The following AP3D1 variants were observed in gnomAD, a reference collection of about 807,000 sequenced individuals.
The protein encoded by AP3D1 is adaptor related protein complex 3 subunit delta 1.
A neutral mutation model predicts 147.6 loss-of-function variants in AP3D1; 51 were observed. The observed-to-expected ratio is 0.35, with a 90% confidence interval of 0.28 to 0.44. The LOEUF (loss-of-function observed/expected upper bound fraction) is 0.44, where lower values mean the gene tolerates loss of function less well. AP3D1 is among the 20% of genes least tolerant of loss of function. AP3D1 has a pLI of 1.00. For synonymous variants in AP3D1, 760 were observed against 663.0 expected, an observed-to-expected ratio of 1.15 and a Z score of -2.25; for missense variants, 1,421 against 1,624.2, an observed-to-expected ratio of 0.87 and a Z score of 2.15.
chr19:2,118,712 C>T lies in AP3D1; in HGVS notation c.1602G>A (p.Leu534=), dbSNP rs1282180621. The T allele has an allele frequency of 6.2e-7, 1 of 1,613,498 alleles. No individual in the cohort carries two copies. The highest frequency in any genetic ancestry group is 2.2e-5 in the East Asian group (1 of 44,900). ...QNVVKLYASI[L]QQKEQAGEAE... Reference sequence around the variant, plus strand: ...CCTCCCCGGCCTGCTCCTTCTGCTGCAGGATGGAGGCGTAGAGCTTGACCA... The same window carrying T: ...CCTCCCCGGCCTGCTCCTTCTGCTGTAGGATGGAGGCGTAGAGCTTGACCA... Residue 534 remains leucine (L), a synonymous_variant, in exon 15 of 32, where the codon CTG becomes CTA. Transcript: ENST00000643116.
intron 6 of AP3D1, 36 bp from the exon 7 acceptor site, chr19:2,129,493 C>T (rs1367761042): frequency 1.3e-6 from 2 of 1,595,998 alleles, no homozygotes; most frequent in South Asian, 1.1e-5. Context: ...CATGCCTGTC[C>T]TTCCACCTAG....
chr19:2,105,984 C>T (rs1364633047), intron 31 of AP3D1, among the ~76,000 whole-genome samples: 1 of 152,168 alleles, frequency 6.6e-6, no homozygotes, highest in East Asian at 1.9e-4. Flanking sequence ...GTAATCCCAA[C>T]TACTCAGGAG....
chr19:2,110,195 T>C lies in AP3D1; in HGVS notation c.3205A>G (p.Thr1069Ala), dbSNP rs2145012668. 1 of 1,612,554 alleles carries C rather than the reference T, an allele frequency of 6.2e-7. No homozygotes were observed. The highest frequency in any genetic ancestry group is 8.5e-7 in the Non-Finnish European group (1 of 1,179,948). ...GVSNEAQYVF[T>A]IQSIVMAQKL... ...TGCGCCATGACGATGCTCTGGATGG[T>C]GAACACATACTGGGCTTCGTTGGAG... is the stretch of plus-strand genomic sequence containing the variant. Residue 1069 changes from threonine to alanine, a missense_variant, in exon 28 of 32, where the codon ACC (threonine) becomes GCC (alanine). Thr to Ala is a moderately conservative substitution (Grantham distance 58). Transcript: ENST00000643116.
chr19:2,163,772 T>TGCGTACGTGCGTACGTG (rs1568319392), intron 1 of AP3D1, among the ~76,000 whole-genome samples: 1 of 150,798 alleles, frequency 6.6e-6, no homozygotes, highest in African/African-American at 2.4e-5. Context: ...GTGCGTACGT[T>TGCGTACGTGCGTACGTG]CGTGCGTGCG....
At position 2,111,010 on chromosome 19, in the gene AP3D1, G is replaced by A. The variant is rs574486632; in HGVS notation, c.2986-114C>T. 104 of 1,225,988 alleles carry A rather than the reference G, an allele frequency of 8.5e-5. 1 individual carries two copies. The South Asian group carries it at 1.4e-3, about 16-fold the overall frequency. The allele number at this position is 1,225,988 out of a possible 1,614,324, so 75.9% of individuals were successfully genotyped here. A position where few individuals can be genotyped will look rare whatever the true frequency, so the allele number is the denominator to read the frequency against. On this transcript the variant is annotated intron_variant, in intron 26 of 31. Coordinates refer to ENST00000643116, the MANE Select transcript of AP3D1 (RefSeq NM_001261826.3). ...GCAGGGGTCCCACAGGCACAGGAAG[G>A]CACGGAGAGGGGCGCCCCCTAGCCG...
At chr19:2,157,441 C>CAAAAAAAAA (rs137939397) in intron 1 of AP3D1, among the ~76,000 whole-genome samples, 1,077 of 100,856 alleles carry the variant, frequency 0.011, 31 homozygotes, top group East Asian at 0.029. Flanking sequence ...GACTCCGTCT[C>CAAAAAAAAA]AAAAAAAAAA....
At chr19:2,124,986 T>A (rs1165554411) in intron 9 of AP3D1, among the ~76,000 whole-genome samples, 1 of 152,122 alleles carries the variant, frequency 6.6e-6, no homozygotes, top group African/African-American at 2.4e-5. Context: ...CTCCAGGGAC[T>A]TGTGGGAGGT....
In AP3D1 at chr19:2,147,411, CCTTT is replaced by C. The variant is rs532773327; in HGVS notation, c.96+3824_96+3827del. Among the ~76,000 whole-genome samples the C allele has an allele frequency of 3.0e-4, 41 of 134,960 alleles. No homozygotes were observed. The South Asian group carries it at 8.6e-3, about 28-fold the overall frequency. 88.5% of individuals were successfully genotyped at this position (134,960 alleles called of 152,430 possible). On this transcript the variant is annotated intron_variant, in intron 1 of 31. Transcript: ENST00000643116. ...CAAATTTAATCTCTTTATATCTTTTCCTTTCTTTTTTTTTTTTTTTTAGTTGGAG... is the reference window on the plus strand; with the variant it reads ...CAAATTTAATCTCTTTATATCTTTTCCTTTTTTTTTTTTTTTTAGTTGGAG...
rs189104813 is a variant in AP3D1, at chr19:2,142,039, G to A, written c.97-3325C>T. On this transcript the variant is annotated intron_variant, in intron 1 of 31. Transcript: ENST00000643116. ...TTATATATATATATGTATCTTTTGA[G>A]ACAGAGTTTTGCTCGTCGCCCATGC... Among the ~76,000 whole-genome samples, 28 of 150,860 alleles carry A rather than the reference G, an allele frequency of 1.9e-4. 1 individual carries two copies. Among genetic ancestry groups the A allele is most frequent in the African/African-American group, 5.9e-4 (24 of 40,988 alleles).
At position 2,115,381 on chromosome 19, in the gene AP3D1, C is replaced by T. The variant is rs753559682; in HGVS notation, c.2187G>A (p.Glu729=). 6 of 1,606,862 alleles carry T rather than the reference C, an allele frequency of 3.7e-6. No individual in the cohort carries two copies. The highest frequency in any genetic ancestry group is 5.1e-6 in the Non-Finnish European group (6 of 1,179,882). ...CCAGCTTCTGCCGGTGCCGCCGCTC[C>T]TCCTCCAGCTTCACATACTGATCTG... is the stretch of plus-strand genomic sequence containing the variant. ...PMSDQYVKLE[E]ERRHRQKLEK... Residue 729 remains glutamate (E), a synonymous_variant, in exon 20 of 32, where the codon GAG becomes GAA. Transcript: ENST00000643116.
At chr19:2,137,184 CA>C in intron 3 of AP3D1, 93 bp from the exon 4 acceptor site, 1 of 1,164,168 alleles carries the variant, frequency 8.6e-7, no homozygotes, top group Admixed American at 2.0e-5. Context: ...CAGGCAGCGC[CA>C]GCCCAGAAGC....
In AP3D1 at chr19:2,123,826, G is replaced by A. The variant is rs772456134; in HGVS notation, c.906+4C>T. On this transcript the variant is annotated splice_donor_region_variant and intron_variant, in intron 10 of 31. Coordinates refer to ENST00000643116, the MANE Select transcript of AP3D1 (RefSeq NM_001261826.3). Reference sequence around the variant, plus strand: ...CCATGGGCCCCGCCCAGTGCGGGACGTACCTGGATGCTGGCGCTGTGGTTG... The same window carrying A: ...CCATGGGCCCCGCCCAGTGCGGGACATACCTGGATGCTGGCGCTGTGGTTG... 1.3e-5 allele frequency: 20 copies of A among 1,570,990 alleles called. No homozygotes were observed. The highest frequency in any genetic ancestry group is 9.5e-5 in the East Asian group (4 of 42,058).
chr19:2,107,157 G>A (rs992163994), intron 31 of AP3D1, among the ~76,000 whole-genome samples: 22 of 151,876 alleles, frequency 1.4e-4, no homozygotes, highest in African/African-American at 3.4e-4. Flanking sequence ...CAGCTACTGC[G>A]GAGGCTGAGG....
At chr19:2,103,840 G>A (rs6510642) in intron 31 of AP3D1, among the ~76,000 whole-genome samples, 2,765 of 152,012 alleles carry the variant, frequency 0.018, 93 homozygotes, top group African/African-American at 0.063. Context: ...CAAGACCCCA[G>A]TGCCAAGGCA....
In AP3D1 at chr19:2,110,767, C is replaced by G; in HGVS notation, c.3115G>C (p.Ala1039Pro). 8 of 1,612,438 alleles carry G rather than the reference C, an allele frequency of 5.0e-6. No homozygotes were observed. The highest frequency in any genetic ancestry group is 6.8e-6 in the Non-Finnish European group (8 of 1,179,850). ...TGGACGGAGGAGCCCTGCGGCCGGG[C>G]CATCCTGGCATTGAGTGAGTCCAGC... Reference protein sequence around the residue: ...SVLDSLNARMARPQGSSVHDG... With the variant: ...SVLDSLNARMPRPQGSSVHDG... Residue 1039 changes from alanine to proline, a missense_variant, in exon 27 of 32, where the codon GCC (alanine) becomes CCC (proline). Around this residue, in one of 6 missense-constraint regions of AP3D1, gnomAD observed 791 missense variants for 761.4 expected, o/e 1.04. Transcript: ENST00000643116.
At chr19:2,116,919 G>A (rs2018472073) in intron 16 of AP3D1, 173 bp from the exon 17 acceptor site, 1 of 973,408 alleles carries the variant, frequency 1.0e-6, no homozygotes, top group Non-Finnish European at 1.5e-6. Flanking sequence ...GAGGACGCAG[G>A]GACCCAGGAA....
chr19:2,138,379 CATGGGGCTCCCTCAGGGCTA>C (rs2019131842), intron 2 of AP3D1, among the ~76,000 whole-genome samples: 1 of 152,242 alleles, frequency 6.6e-6, no homozygotes, highest in African/African-American at 2.4e-5. Context: ...AAGAGGACCC[CATGGGGCTCCCTCAGGGCTA>C]CCACCAGGGC....
intron 1 of AP3D1, among the ~76,000 whole-genome samples, chr19:2,162,820 ACGTCACCCAG>A (rs2019745366): frequency 6.6e-6 from 1 of 152,044 alleles, no homozygotes; most frequent in Non-Finnish European, 1.5e-5. Context: ...GACTCTCCCA[ACGTCACCCAG>A]CAGGGAAGGG....
At position 2,115,812 on chromosome 19, in the gene AP3D1, G is replaced by A. The variant is rs1182405249; in HGVS notation, c.2074-199C>T. Among the ~76,000 whole-genome samples the A allele has an allele frequency of 3.9e-5, 6 of 152,368 alleles. No individual in the cohort carries two copies. In the East Asian group the frequency reaches 1.2e-3, roughly 29 times the overall value. Reference sequence around the variant, plus strand: ...TCTTTAAGACAGTGAGGACTGGAAAGCTTGTCACACGAGTGACCCCACAGG... The same window carrying A: ...TCTTTAAGACAGTGAGGACTGGAAAACTTGTCACACGAGTGACCCCACAGG... On this transcript the variant is annotated intron_variant, in intron 18 of 31. Coordinates refer to ENST00000643116, the MANE Select transcript of AP3D1 (RefSeq NM_001261826.3).
Sources: gnomAD v4.1 joint callset for allele counts (sites outside exome capture counted in the v4.1 genomes callset) on GRCh38, gnomAD v4.1.1 for gene constraint, gnomAD v4.1.1 regional missense constraint, MANE v1.5 for transcripts, NCBI Gene and HGNC (gene_info 2026-07-23, HGNC 2026-07-21) for gene names.